The following SLC7A8 variants were observed in gnomAD, a reference collection of about 807,000 sequenced individuals.
SLC7A8 encodes large neutral amino acids transporter small subunit 2.
SLC7A8 carries 30 observed loss-of-function variants against 51.2 expected under a neutral mutation model. That is an observed-to-expected ratio of 0.59 (90% CI 0.44 to 0.80). The LOEUF (loss-of-function observed/expected upper bound fraction) is 0.80, where lower values mean the gene tolerates loss of function less well. Among genes scored for constraint, SLC7A8 ranks in the 30% least tolerant of loss-of-function variants. The pLI, the probability that SLC7A8 is intolerant of heterozygous loss-of-function variation, is 0.00. For missense variants in SLC7A8, 612 were observed against 674.4 expected (o/e 0.91, Z 1.03); for synonymous variants, 257 against 275.8 (o/e 0.93, Z 0.67).
intron 3 of SLC7A8, among the ~76,000 whole-genome samples, chr14:23,158,222 A>G (rs2048904015): frequency 6.6e-6 from 1 of 152,214 alleles, no homozygotes; most frequent in Admixed American, 6.5e-5. Flanking sequence ...ACATTTCCCA[A>G]GAGTCCCAAT....
chr14:23,134,687 A>C (rs2048672874), intron 7 of SLC7A8, among the ~76,000 whole-genome samples: 2 of 151,986 alleles, frequency 1.3e-5, no homozygotes, highest in Admixed American at 1.3e-4. Context: ...CCTCCTGAGC[A>C]GCTGGGACTA....
At chr14:23,140,069 T>A (rs1464362546) in intron 5 of SLC7A8, among the ~76,000 whole-genome samples, 2 of 151,806 alleles carry the variant, frequency 1.3e-5, no homozygotes, top group Admixed American at 6.6e-5. Context: ...ACAACTCAGG[T>A]TGGAAATACG....
chr14:23,138,106 G>GT, intron 6 of SLC7A8, 82 bp from the exon 7 acceptor site: 1 of 1,519,294 alleles, frequency 6.6e-7, no homozygotes. Flanking sequence ...CTGGGAAACC[G>GT]TTTCTCCTAT....
In SLC7A8 at chr14:23,177,399, T is replaced by G. The variant is rs114556031; in HGVS notation, c.151+5365A>C. ...TAATCAAGCTGTTTCTGTACCTTGC[T>G]TCTATTTCCTGTATGTCACTTGCCT... On this transcript the variant is annotated intron_variant, in intron 1 of 10. Coordinates refer to ENST00000316902, the MANE Select transcript of SLC7A8 (RefSeq NM_012244.4). 6.6e-3 allele frequency among the ~76,000 whole-genome samples: 1,012 copies of G among 152,388 alleles called. 6 individuals carry two copies. Among genetic ancestry groups the G allele is most frequent in the Middle Eastern group, 0.027 (8 of 294 alleles).
At position 23,138,029 on chromosome 14, in the gene SLC7A8, G is replaced by A. The variant is rs1381243594; in HGVS notation, c.913-5C>T. The A allele has an allele frequency of 3.1e-6, 5 of 1,613,792 alleles. No individual in the cohort carries two copies. Among genetic ancestry groups the A allele is most frequent in the Middle Eastern group, 1.6e-4 (1 of 6,062 alleles). On this transcript the variant is annotated splice_region_variant and splice_polypyrimidine_tract_variant and intron_variant, in intron 6 of 10. Transcript: ENST00000316902. ...TAGGAGCTTCTCTCCAAAAGTCTGG[G>A]AGAGGAACCAAGGAGATAAGCAAAG...
chr14:23,127,896 T>C (rs918482303), intron 10 of SLC7A8, 123 bp downstream of exon 10: 4 of 821,218 alleles, frequency 4.9e-6, no homozygotes, highest in Non-Finnish European at 7.7e-6. Context: ...CTTCCAGGGC[T>C]CTGTGGACTG....
rs1275457038 is a variant in SLC7A8 at position 23,165,016 on chromosome 14, T to A, written c.508+269A>T. The stretch of plus-strand genomic sequence containing the variant: ...CAAAAAAAAAAAAATGGAGAGAAGT[T>A]AGGAGAGTCAGAGACATGTAGACCT... On this transcript the variant is annotated intron_variant, in intron 3 of 10. Coordinates refer to ENST00000316902, the MANE Select transcript of SLC7A8 (RefSeq NM_012244.4). The surrounding 1 kb of genome is among the most constrained non-coding windows in gnomAD (Gnocchi z 4.2). Among the ~76,000 whole-genome samples the A allele has an allele frequency of 6.8e-6, 1 of 146,158 alleles. No homozygotes were observed. The highest frequency in any genetic ancestry group is 1.5e-5 in the Non-Finnish European group (1 of 66,888).
intron 4 of SLC7A8, among the ~76,000 whole-genome samples, chr14:23,142,802 G>A (rs758960217): frequency 9.2e-5 from 14 of 152,102 alleles, no homozygotes; most frequent in East Asian, 1.9e-4. Context: ...ACACTCGGCC[G>A]ATATGTGGGG....
At chr14:23,174,513 T>A (rs1043632438) in intron 1 of SLC7A8, among the ~76,000 whole-genome samples, 2 of 152,256 alleles carry the variant, frequency 1.3e-5, no homozygotes, top group Admixed American at 6.5e-5. Context: ...AGATGAGGGA[T>A]GAGATGTGAT....
At chr14:23,154,622 G>A (rs2048876305) in intron 3 of SLC7A8, among the ~76,000 whole-genome samples, 1 of 152,226 alleles carries the variant, frequency 6.6e-6, no homozygotes, top group Admixed American at 6.5e-5. Context: ...GGCGCTGATA[G>A]GCAAAGAAAA....
At chr14:23,181,676 C>G (rs1192539784) in intron 1 of SLC7A8, among the ~76,000 whole-genome samples, 2 of 152,238 alleles carry the variant, frequency 1.3e-5, no homozygotes, top group Non-Finnish European at 2.9e-5. Flanking sequence ...ACACAACGAG[C>G]TCTCATAAAG....
chr14:23,180,717 A>C (rs1877132858), intron 1 of SLC7A8, among the ~76,000 whole-genome samples: 2 of 152,112 alleles, frequency 1.3e-5, no homozygotes, highest in South Asian at 4.1e-4. Context: ...ATACCTGAAC[A>C]CTCCCATTTC....
At chr14:23,150,628 T>C (rs1367283874) in intron 3 of SLC7A8, among the ~76,000 whole-genome samples, 1 of 152,322 alleles carries the variant, frequency 6.6e-6, no homozygotes, top group African/African-American at 2.4e-5. Context: ...TCCTGTGTAT[T>C]GTTGCATAAA....
intron 3 of SLC7A8, among the ~76,000 whole-genome samples, chr14:23,161,212 A>G (rs73598496): frequency 0.05 from 7,556 of 151,202 alleles, 670 homozygotes; most frequent in African/African-American, 0.17. Context: ...TCCCAACTTC[A>G]TTTCTCATCA....
Position 23,180,097 on chromosome 14 carries a change from G to T in SLC7A8, c.151+2667C>A, listed in dbSNP as rs893839298. On this transcript the variant is annotated intron_variant, in intron 1 of 10. Coordinates refer to ENST00000316902, the MANE Select transcript of SLC7A8 (RefSeq NM_012244.4). ...ATTTTTTGTATTTTTTAGTAGAGACGAGGTTTCACCGTGTTAGCCAGGATG... is the reference window on the plus strand; with the variant it reads ...ATTTTTTGTATTTTTTAGTAGAGACTAGGTTTCACCGTGTTAGCCAGGATG... Among the ~76,000 whole-genome samples, 9 of 152,110 alleles carry T rather than the reference G, an allele frequency of 5.9e-5. No individual in the cohort carries two copies. The East Asian group carries it at 1.4e-3, about 23-fold the overall frequency.
intron 8 of SLC7A8, among the ~76,000 whole-genome samples, chr14:23,131,123 T>C (rs2048628173): frequency 6.6e-6 from 1 of 152,212 alleles, no homozygotes; most frequent in African/African-American, 2.4e-5. Flanking sequence ...GCTGCAACCC[T>C]GTGGTAACAG....
chr14:23,125,435 T>G lies in SLC7A8; in HGVS notation c.*1742A>C, dbSNP rs564480610. ...CAAAACAACCTTACATTAAAAAAAA[T>G]CCAAAAGAAATAGAAATACCAGCTT... On this transcript the variant is annotated 3_prime_UTR_variant, in exon 11 of 11. Transcript: ENST00000316902. 1 of 152,006 alleles carries G rather than the reference T, an allele frequency of 6.6e-6. No individual in the cohort carries two copies. Among genetic ancestry groups the G allele is most frequent in the Non-Finnish European group, 1.5e-5 (1 of 67,916 alleles). The allele number at this position is 152,006 out of a possible 1,614,324, so 9.4% of individuals were successfully genotyped here.
intron 7 of SLC7A8, among the ~76,000 whole-genome samples, chr14:23,132,454 C>T (rs1039990024): frequency 2.0e-5 from 3 of 152,066 alleles, no homozygotes; most frequent in African/African-American, 4.8e-5. Flanking sequence ...CAGTGGCACA[C>T]ACCTATATTT....
chr14:23,166,675 G>A (rs1044989411), intron 1 of SLC7A8, 135 bp from the exon 2 acceptor site: 5 of 864,194 alleles, frequency 5.8e-6, no homozygotes, highest in African/African-American at 1.7e-5. Context: ...CTGCAGGCAG[G>A]TGTGCCTAGC....
Sources: allele counts gnomAD v4.1 joint callset (sites outside exome capture counted in the v4.1 genomes callset), GRCh38; gene constraint gnomAD v4.1.1; non-coding constraint Gnocchi (gnomAD v3.1); transcripts MANE v1.5; gene names NCBI Gene and HGNC (gene_info 2026-07-23, HGNC 2026-07-21).